The following ATP9B variants were observed in gnomAD, a reference collection of about 807,000 sequenced individuals.
ATP9B encodes probable phospholipid-transporting ATPase IIB.
ATP9B carries 110 observed loss-of-function variants against 146.1 expected under a neutral mutation model. That is an observed-to-expected ratio of 0.75 (90% CI 0.65 to 0.88). The LOEUF (loss-of-function observed/expected upper bound fraction) is 0.88, where lower values mean the gene tolerates loss of function less well. ATP9B is among the 40% of genes least tolerant of loss of function. The pLI, the probability that ATP9B is intolerant of heterozygous loss-of-function variation, is 0.00. For missense variants in ATP9B, 1,499 were observed against 1,496.4 expected, an observed-to-expected ratio of 1.00 and a Z score of -0.03; for synonymous variants, 604 against 569.7, an observed-to-expected ratio of 1.06 and a Z score of -0.86.
chr18:79,171,887 TG>T lies in ATP9B; in HGVS notation c.779-4925del, dbSNP rs372026260. Among the ~76,000 whole-genome samples, 58 of 125,266 alleles carry T rather than the reference TG, an allele frequency of 4.6e-4. 1 individual carries two copies. Among genetic ancestry groups the T allele is most frequent in the Middle Eastern group, 7.7e-3 (2 of 260 alleles). 82.2% of individuals were successfully genotyped at this position (125,266 alleles called of 152,430 possible). ...TGACCTTCGGAGACTCGTTTTTTTT[TG>T]TTTGTTTGTTTGTTTGTTTAGATGG... On this transcript the variant is annotated intron_variant, in intron 7 of 29. Transcript: ENST00000426216.
chr18:79,372,900 G>A lies in ATP9B; in HGVS notation c.3070+18G>A. The A allele has an allele frequency of 1.3e-6, 2 of 1,568,972 alleles. No individual in the cohort carries two copies. Among genetic ancestry groups the A allele is most frequent in the Non-Finnish European group, 1.8e-6 (2 of 1,141,506 alleles). On this transcript the variant is annotated intron_variant, in intron 27 of 29. Transcript: ENST00000426216. ...TTACCAAGGTAAGACGAGATCCTTA[G>A]TTTACTGGACTAAAGATTTTTTTAT...
chr18:79,305,339 A>ACTGTCGGCATG lies in ATP9B; in HGVS notation c.1524+1629_1525-1631dup, dbSNP rs2096614745. Among the ~76,000 whole-genome samples the ACTGTCGGCATG allele has an allele frequency of 3.9e-5, 6 of 152,212 alleles. No individual in the cohort carries two copies. In the South Asian group the frequency reaches 1.2e-3, roughly 32 times the overall value. ...TTGCTACCAGTCTGGCATAAGCTTT[A>ACTGTCGGCATG]CTGTCGGCATGCTGTCAAATGGAAG... On this transcript the variant is annotated intron_variant, in intron 14 of 29. Coordinates refer to ENST00000426216, the MANE Select transcript of ATP9B (RefSeq NM_198531.5).
intron 2 of ATP9B, among the ~76,000 whole-genome samples, chr18:79,109,333 A>T (rs2075852796): frequency 6.6e-6 from 1 of 152,110 alleles, no homozygotes; most frequent in Non-Finnish European, 1.5e-5. Flanking sequence ...TCATTTTCTG[A>T]GGTATTTTTA....
At chr18:79,115,034 C>A (rs1281313161) in intron 4 of ATP9B, 1 of 159,110 alleles carries the variant, frequency 6.3e-6, no homozygotes, top group South Asian at 1.6e-4. Context: ...TCGTCTCAGC[C>A]CAAAATCTCC....
chr18:79,239,329 CAG>C lies in ATP9B; in HGVS notation c.1108-14047_1108-14046del, dbSNP rs925692666. Among the ~76,000 whole-genome samples, 4 of 152,184 alleles carry C rather than the reference CAG, an allele frequency of 2.6e-5. No homozygotes were observed. Among genetic ancestry groups the C allele is most frequent in the African/African-American group, 4.8e-5 (2 of 41,430 alleles). On this transcript the variant is annotated intron_variant, in intron 11 of 29. Coordinates refer to ENST00000426216, the MANE Select transcript of ATP9B (RefSeq NM_198531.5). This position sits in a 1 kb window ranked among gnomAD's most constrained non-coding sequence, Gnocchi z 5.1. ...CAAGTGCTGCATCTTGAAACCAAAA[CAG>C]AGAGGTTGGGAATTTACAACAAACC... is the stretch of plus-strand genomic sequence containing the variant.
At chr18:79,132,761 C>G (rs2094396620) in intron 5 of ATP9B, among the ~76,000 whole-genome samples, 1 of 152,164 alleles carries the variant, frequency 6.6e-6, no homozygotes, top group African/African-American at 2.4e-5. Context: ...CTGTAGTTTG[C>G]TGGACCATAT....
chr18:79,072,033 G>T (rs936904778), intron 1 of ATP9B, among the ~76,000 whole-genome samples: 1 of 151,134 alleles, frequency 6.6e-6, no homozygotes, highest in Admixed American at 6.6e-5. Flanking sequence ...TAAGAAAGTT[G>T]GATCTTATGT....
intron 25 of ATP9B, among the ~76,000 whole-genome samples, chr18:79,354,970 A>ATTTT (rs2096942936): frequency 6.6e-6 from 1 of 152,104 alleles, no homozygotes; most frequent in Non-Finnish European, 1.5e-5. Flanking sequence ...CCTCCCCAAA[A>ATTTT]AGGCAAGTGG....
At chr18:79,170,444 A>G (rs764880048) in intron 7 of ATP9B, among the ~76,000 whole-genome samples, 2 of 152,182 alleles carry the variant, frequency 1.3e-5, no homozygotes, top group African/African-American at 4.8e-5. Context: ...TGCATTATTT[A>G]TCTCTTTACT....
intron 4 of ATP9B, among the ~76,000 whole-genome samples, chr18:79,122,595 C>T (rs2094208862): frequency 6.6e-6 from 1 of 152,124 alleles, no homozygotes; most frequent in Non-Finnish European, 1.5e-5. Context: ...TGCTGTGATC[C>T]TATAATTTTT....
rs80020531 is a variant in ATP9B at position 79,260,320 on chromosome 18, C to T, written c.1268+6779C>T. 3.2e-3 allele frequency among the ~76,000 whole-genome samples: 480 copies of T among 152,250 alleles called. 1 individual carries two copies. Among genetic ancestry groups the T allele is most frequent in the Non-Finnish European group, 3.4e-3 (228 of 68,016 alleles). On this transcript the variant is annotated intron_variant, in intron 12 of 29. Coordinates refer to ENST00000426216, the MANE Select transcript of ATP9B (RefSeq NM_198531.5). The stretch of plus-strand genomic sequence containing the variant: ...TCCCACACTCATCAAACCATCAGAA[C>T]GCATGAGAACTCACTCATTATCACG...
chr18:79,108,399 T>C (rs1568191453), intron 2 of ATP9B, among the ~76,000 whole-genome samples: 1 of 152,244 alleles, frequency 6.6e-6, no homozygotes, highest in Non-Finnish European at 1.5e-5. Context: ...ACCAAAAATA[T>C]TAATGGTGAA....
intron 10 of ATP9B, among the ~76,000 whole-genome samples, chr18:79,213,099 A>T (rs1291266819): frequency 6.6e-6 from 1 of 152,184 alleles, no homozygotes; most frequent in East Asian, 1.9e-4. Flanking sequence ...AGTTAATGTG[A>T]CATCAGAGTT....
chr18:79,334,461 C>G (rs1416701408), intron 17 of ATP9B, among the ~76,000 whole-genome samples: 1 of 152,064 alleles, frequency 6.6e-6, no homozygotes, highest in Non-Finnish European at 1.5e-5. Flanking sequence ...ATAGAACACA[C>G]CACAGCTTTA....
At chr18:79,126,095 A>G (rs188806670) in intron 4 of ATP9B, among the ~76,000 whole-genome samples, 172 bp from the exon 5 acceptor site, 51 of 152,310 alleles carry the variant, frequency 3.3e-4, no homozygotes, top group African/African-American at 1.1e-3. Context: ...ACCTTTTACA[A>G]TGAATCCTTT....
At chr18:79,243,621 A>T (rs2095911098) in intron 11 of ATP9B, among the ~76,000 whole-genome samples, 1 of 152,220 alleles carries the variant, frequency 6.6e-6, no homozygotes, top group Admixed American at 6.5e-5. Flanking sequence ...ATTCTGATAC[A>T]CCTGTATGTA....
At chr18:79,292,720 G>T (rs2096518706) in intron 13 of ATP9B, among the ~76,000 whole-genome samples, 1 of 151,930 alleles carries the variant, frequency 6.6e-6, no homozygotes, top group African/African-American at 2.4e-5. Flanking sequence ...CAGAGTGGGG[G>T]GTGGGTGAAA....
chr18:79,078,567 T>C (rs1599355143), intron 1 of ATP9B, among the ~76,000 whole-genome samples: 1 of 117,986 alleles, frequency 8.5e-6, no homozygotes, highest in Admixed American at 8.2e-5. Flanking sequence ...TATTTACTCT[T>C]TTTTATTTTA....
intron 26 of ATP9B, chr18:79,372,346 C>G (rs995440666): frequency 3.3e-6 from 1 of 300,602 alleles, no homozygotes; most frequent in Admixed American, 4.1e-5. Context: ...TGTTCTCCAG[C>G]GAGGGTTTAA....
Sources: allele counts gnomAD v4.1 joint callset (sites outside exome capture counted in the v4.1 genomes callset), GRCh38; gene constraint gnomAD v4.1.1; non-coding constraint Gnocchi (gnomAD v3.1); transcripts MANE v1.5; gene names NCBI Gene and HGNC (gene_info 2026-07-23, HGNC 2026-07-21).